The following ABLIM3 variants were observed in gnomAD, a reference collection of about 807,000 sequenced individuals.
ABLIM3 encodes the protein actin binding LIM protein family member 3.
In ABLIM3, 61 loss-of-function variants were observed where a neutral mutation model predicts 109.5. The ratio of observed to expected loss-of-function variants is 0.56; its 90% CI spans 0.45 to 0.69. ABLIM3 has a LOEUF of 0.69. ABLIM3 is among the 30% of genes least tolerant of loss of function. The probability of loss-of-function intolerance (pLI) is 0.00; values close to 1 mark genes in which losing one functional copy is unlikely to be tolerated. For missense variants in ABLIM3, 796 were observed against 889.5 expected (o/e 0.89, Z 1.34); for synonymous variants, 300 against 324.8 (o/e 0.92, Z 0.82).
intron 19 of ABLIM3, 94 bp downstream of exon 19, chr5:149,249,938 A>T (rs752757709): frequency 1.4e-6 from 2 of 1,435,890 alleles, no homozygotes; most frequent in Non-Finnish European, 2.0e-6. Flanking sequence ...TGACCATACA[A>T]TGTGGATGTC....
chr5:149,247,483 G>A (rs1163641277), intron 17 of ABLIM3, among the ~76,000 whole-genome samples: 4 of 152,214 alleles, frequency 2.6e-5, no homozygotes, highest in Non-Finnish European at 5.9e-5. Flanking sequence ...AGAAAAAGGT[G>A]GCTATCTGCC....
chr5:149,185,919 C>A (rs1756915943), intron 3 of ABLIM3, among the ~76,000 whole-genome samples: 2 of 152,186 alleles, frequency 1.3e-5, no homozygotes, highest in African/African-American at 2.4e-5. Flanking sequence ...ACCTTGGAGA[C>A]CTTGAGCTTT....
At chr5:149,225,980 GTGTATATATATA>G (rs1165720440) in intron 8 of ABLIM3, among the ~76,000 whole-genome samples, 197 of 21,868 alleles carry the variant, frequency 9.0e-3, no homozygotes, top group African/African-American at 0.026. Flanking sequence ...GTGTGTGTGT[GTGTATATATATA>G]TATATATATA....
At chr5:149,208,754 TACTATTATCAGC>T (rs1394804899) in intron 6 of ABLIM3, among the ~76,000 whole-genome samples, 1 of 151,862 alleles carries the variant, frequency 6.6e-6, no homozygotes, top group Non-Finnish European at 1.5e-5. Context: ...CCAGGCGAGG[TACTATTATCAGC>T]AGAAGGGGAA....
intron 15 of ABLIM3, among the ~76,000 whole-genome samples, chr5:149,242,939 G>A (rs1273724872): frequency 1.3e-5 from 2 of 152,158 alleles, no homozygotes; most frequent in Non-Finnish European, 2.9e-5. Flanking sequence ...TACTGAATTC[G>A]AATTCTGTAT....
chr5:149,172,791 G>A (rs956364289), intron 2 of ABLIM3, among the ~76,000 whole-genome samples: 1 of 152,088 alleles, frequency 6.6e-6, no homozygotes, highest in Non-Finnish European at 1.5e-5. Context: ...TACCTGCCTG[G>A]CCTCTAAAAA....
chr5:149,228,167 T>C (rs1761506128), intron 8 of ABLIM3, among the ~76,000 whole-genome samples: 4 of 152,228 alleles, frequency 2.6e-5, no homozygotes, highest in Non-Finnish European at 5.9e-5. Flanking sequence ...GTCAGTTGAA[T>C]AAGGCCATTC....
At chr5:149,208,371 T>TCTCTCTCTCTCTCA (rs1581132848) in intron 6 of ABLIM3, among the ~76,000 whole-genome samples, 1 of 147,714 alleles carries the variant, frequency 6.8e-6, no homozygotes, top group East Asian at 2.0e-4. Context: ...TCTCTCTCTC[T>TCTCTCTCTCTCTCA]CTCTCTCTCT....
chr5:149,226,287 C>T (rs2918269), intron 8 of ABLIM3, among the ~76,000 whole-genome samples: 2,127 of 151,832 alleles, frequency 0.014, 21 homozygotes, highest in Middle Eastern at 0.027. Context: ...ATATCGAGAC[C>T]ATCCTGGCTA....
In ABLIM3 at chr5:149,250,420, A is replaced by G. The variant is rs775394489; in HGVS notation, c.1730-27A>G. ...AGGGACTCATGGCTTGGGACTCCTG[A>G]TAATTGCTCTAGATCCTTCTTTTCA... is the stretch of plus-strand genomic sequence containing the variant. On this transcript the variant is annotated intron_variant, in intron 19 of 23. Coordinates refer to ENST00000309868, the MANE Select transcript of ABLIM3 (RefSeq NM_014945.5). 8.1e-6 allele frequency: 13 copies of G among 1,613,356 alleles called. No homozygotes were observed. The African/African-American group carries it at 1.7e-4, about 22-fold the overall frequency.
chr5:149,250,308 A>G, intron 19 of ABLIM3, 139 bp from the exon 20 acceptor site: 2 of 761,792 alleles, frequency 2.6e-6, no homozygotes, highest in Non-Finnish European at 4.4e-6. Flanking sequence ...GGAGAGCATC[A>G]GGAAGAGTTG....
Position 149,251,346 on chromosome 5 carries a change from G to T in ABLIM3, c.1789-13G>T. On this transcript the variant is annotated splice_polypyrimidine_tract_variant and intron_variant, in intron 20 of 23. Transcript: ENST00000309868. ...CTTATCTCAGGCCAGCCGTGGTTCTGTCTCTTCTGCAGACACCCAGCGCAG... is the reference window on the plus strand; with the variant it reads ...CTTATCTCAGGCCAGCCGTGGTTCTTTCTCTTCTGCAGACACCCAGCGCAG... 1 of 1,614,028 alleles carries T rather than the reference G, an allele frequency of 6.2e-7. No homozygotes were observed. The highest frequency in any genetic ancestry group is 8.5e-7 in the Non-Finnish European group (1 of 1,179,968).
chr5:149,200,383 C>G lies in ABLIM3; in HGVS notation c.403C>G (p.Gln135Glu). Residue 135 changes from glutamine to glutamate, a missense_variant, in exon 5 of 24, where the codon CAG (glutamine) becomes GAG (glutamate). Coordinates refer to ENST00000309868, the MANE Select transcript of ABLIM3 (RefSeq NM_014945.5). ...GKECVCQTCSQSMASSKPIKI... is the reference protein window; with the variant it reads ...GKECVCQTCSESMASSKPIKI... ...AGAATGTGTGTGCCAAACGTGCTCC[C>G]AGTCCATGGCCAGCAGTAAGCCCAT... The G allele has an allele frequency of 6.2e-7, 1 of 1,614,222 alleles. No individual in the cohort carries two copies. Among genetic ancestry groups the G allele is most frequent in the Non-Finnish European group, 8.5e-7 (1 of 1,180,026 alleles).
chr5:149,212,804 A>G (rs1759689799), intron 7 of ABLIM3, among the ~76,000 whole-genome samples: 2 of 152,206 alleles, frequency 1.3e-5, no homozygotes, highest in African/African-American at 4.8e-5. Flanking sequence ...TTGAAATCCC[A>G]GGAGTGTTTC....
At chr5:149,202,510 G>C (rs1050631492) in intron 5 of ABLIM3, among the ~76,000 whole-genome samples, 2 of 152,300 alleles carry the variant, frequency 1.3e-5, no homozygotes, top group Middle Eastern at 3.4e-3. Flanking sequence ...CTGACTAGAT[G>C]GGGTGTTGGA....
At chr5:149,225,830 T>C (rs1226552816) in intron 8 of ABLIM3, among the ~76,000 whole-genome samples, 1 of 151,768 alleles carries the variant, frequency 6.6e-6, no homozygotes, top group Non-Finnish European at 1.5e-5. Context: ...CCCGAGTTAC[T>C]TTACTTAGAA....
rs998872351 is a variant in ABLIM3 at position 149,142,061 on chromosome 5, G to A, written c.-35G>A. The A allele has an allele frequency of 2.6e-6, 4 of 1,510,568 alleles. No individual in the cohort carries two copies. Among genetic ancestry groups the A allele is most frequent in the Non-Finnish European group, 3.6e-6 (4 of 1,114,880 alleles). The allele number at this position is 1,510,568 out of a possible 1,614,324, so 93.6% of individuals were successfully genotyped here. On this transcript the variant is annotated 5_prime_UTR_variant, in exon 2 of 24. Transcript: ENST00000309868. The stretch of plus-strand genomic sequence containing the variant: ...GATTTAAAAAGCAGCCGGGGCCTCC[G>A]TATTGAATGAAAGACCCAGTGCAAA...
intron 8 of ABLIM3, among the ~76,000 whole-genome samples, chr5:149,224,884 A>C (rs1337138648): frequency 1.3e-5 from 2 of 152,266 alleles, no homozygotes; most frequent in Non-Finnish European, 2.9e-5. Context: ...TAGACAATGC[A>C]GCTAGTAAAT....
In ABLIM3 at chr5:149,198,246, G is replaced by A; in HGVS notation, c.179G>A (p.Gly60Asp). 1 of 1,613,796 alleles carries A rather than the reference G, an allele frequency of 6.2e-7. No homozygotes were observed. Among genetic ancestry groups the A allele is most frequent in the Non-Finnish European group, 8.5e-7 (1 of 1,179,846 alleles). ...TGTGGCTGTGGCCTGGCCCAGTCAG[G>A]CTTCTTCTTCAAGAACCAGGAGTAC... is the stretch of plus-strand genomic sequence containing the variant. Reference protein sequence around the residue: ...QVCGCGLAQSGFFFKNQEYIC... With the variant: ...QVCGCGLAQSDFFFKNQEYIC... The change falls in exon 4 of 24, where the codon GGC (glycine) becomes GAC (aspartate). Residue 60 changes from glycine (G) to aspartate (D), a missense_variant. By Grantham distance (94) the Gly-to-Asp change is moderately conservative (BLOSUM62 -1). Transcript: ENST00000309868. This position sits in a 1 kb window ranked among gnomAD's most constrained non-coding sequence, Gnocchi z 4.2.
Sources: gnomAD v4.1 joint callset for allele counts (sites outside exome capture counted in the v4.1 genomes callset) on GRCh38, gnomAD v4.1.1 for gene constraint, Gnocchi (gnomAD v3.1) non-coding constraint, MANE v1.5 for transcripts, NCBI Gene and HGNC (gene_info 2026-07-23, HGNC 2026-07-21) for gene names.